Variants in DLGAP4 observed in about 807,000 individuals in gnomAD.
DLGAP4 encodes the protein disks large-associated protein 4.
DLGAP4 carries 18 observed loss-of-function variants against 86.9 expected under a neutral mutation model. The ratio of observed to expected loss-of-function variants is 0.21; its 90% CI spans 0.14 to 0.31. The LOEUF is 0.31. Ranked by LOEUF, DLGAP4 falls within the 10% of genes least tolerant of loss-of-function variation. The pLI is 1.00. For missense variants in DLGAP4, 1,085 were observed against 1,362.6 expected, an observed-to-expected ratio of 0.80 and a Z score of 3.21; for synonymous variants, 548 against 574.3, an observed-to-expected ratio of 0.95 and a Z score of 0.65.
At chr20:36,365,883 G>A (rs1428680866) in intron 1 of DLGAP4, among the ~76,000 whole-genome samples, 1 of 152,294 alleles carries the variant, frequency 6.6e-6, no homozygotes, top group Middle Eastern at 3.4e-3. Context: ...GACGTGGAAA[G>A]CCTGAGTTCA....
At chr20:36,434,958 G>A (rs773852500) in intron 3 of DLGAP4, among the ~76,000 whole-genome samples, 9 of 152,162 alleles carry the variant, frequency 5.9e-5, no homozygotes, top group Non-Finnish European at 1.2e-4. Context: ...TGGAGGCGGG[G>A]ACAGTGCAAG....
At chr20:36,428,618 T>C (rs2033044278) in intron 2 of DLGAP4, among the ~76,000 whole-genome samples, 1 of 152,182 alleles carries the variant, frequency 6.6e-6, no homozygotes, top group Non-Finnish European at 1.5e-5. Context: ...CACTGTCCCC[T>C]TTCTTTGCAC....
chr20:36,484,326 G>T (rs2024225539), intron 7 of DLGAP4, among the ~76,000 whole-genome samples: 1 of 152,292 alleles, frequency 6.6e-6, no homozygotes, highest in East Asian at 1.9e-4. Flanking sequence ...CTGGACTGTG[G>T]GTGTGCCTAG....
Position 36,459,585 on chromosome 20 carries a change from C to T in DLGAP4, c.1648+12648C>T, listed in dbSNP as rs956875866. Among the ~76,000 whole-genome samples, 10 of 152,152 alleles carry T rather than the reference C, an allele frequency of 6.6e-5. No homozygotes were observed. The East Asian group carries it at 1.9e-3, about 29-fold the overall frequency. ...TGGAGGCAGGGTCTCCCTATGTTGC[C>T]CAGGCTGGTCTTTTTTTAATTAATT... On this transcript the variant is annotated intron_variant, in intron 7 of 12. Coordinates refer to ENST00000339266, the MANE Select transcript of DLGAP4 (RefSeq NM_001365621.2).
intron 7 of DLGAP4, among the ~76,000 whole-genome samples, chr20:36,490,040 G>T (rs1390161832): frequency 6.6e-6 from 1 of 151,582 alleles, no homozygotes; most frequent in Non-Finnish European, 1.5e-5. Flanking sequence ...TGTATTTTTA[G>T]TAGAGATGGG....
chr20:36,435,063 T>C (rs1289878361), intron 3 of DLGAP4, among the ~76,000 whole-genome samples: 1 of 151,398 alleles, frequency 6.6e-6, no homozygotes. Flanking sequence ...GCTCTGTGTA[T>C]ATGCTGCATA....
intron 7 of DLGAP4, among the ~76,000 whole-genome samples, chr20:36,474,907 C>T (rs1402844037): frequency 6.6e-6 from 1 of 152,150 alleles, no homozygotes; most frequent in Non-Finnish European, 1.5e-5. Context: ...GCTTGGAGTC[C>T]CCACCCAAGC....
intron 1 of DLGAP4, among the ~76,000 whole-genome samples, chr20:36,355,211 G>T (rs918105452): frequency 6.6e-6 from 1 of 151,938 alleles, no homozygotes; most frequent in African/African-American, 2.4e-5. Flanking sequence ...GGAAGTAAAT[G>T]GAGACATATA....
intron 2 of DLGAP4, among the ~76,000 whole-genome samples, chr20:36,417,781 T>TG (rs1410478278): frequency 1.4e-4 from 21 of 150,250 alleles, no homozygotes; most frequent in Middle Eastern, 3.5e-3. Flanking sequence ...TGGTTTTTTT[T>TG]TTTTGTTGTT....
chr20:36,349,949 G>GC (rs1972315930), intron 1 of DLGAP4, among the ~76,000 whole-genome samples: 1 of 152,156 alleles, frequency 6.6e-6, no homozygotes, highest in African/African-American at 2.4e-5. Flanking sequence ...CCCAACCCCT[G>GC]CCCCGTGTTT....
chr20:36,388,029 CCCCTGAGTGAGTGTTATGAAGAAAAATA>C (rs1361481887), intron 2 of DLGAP4, among the ~76,000 whole-genome samples: 2 of 152,166 alleles, frequency 1.3e-5, no homozygotes, highest in African/African-American at 2.4e-5. Context: ...GTAGAACCCT[CCCCTGAGTGAGTGTTATGAAGAAAAATA>C]CCCTGAGCGA....
chr20:36,387,991 G>A (rs1192980383), intron 2 of DLGAP4, among the ~76,000 whole-genome samples: 2 of 152,144 alleles, frequency 1.3e-5, no homozygotes, highest in Non-Finnish European at 2.9e-5. Context: ...AAGTTCTTGA[G>A]CACCCGTCAT....
intron 7 of DLGAP4, among the ~76,000 whole-genome samples, chr20:36,459,325 A>C (rs1372016451): frequency 6.6e-6 from 1 of 152,200 alleles, no homozygotes; most frequent in Admixed American, 6.5e-5. Context: ...GTAAAATACA[A>C]ACACTGTTTG....
chr20:36,419,363 T>A (rs994194750), intron 2 of DLGAP4, among the ~76,000 whole-genome samples: 4 of 152,048 alleles, frequency 2.6e-5, no homozygotes, highest in Non-Finnish European at 4.4e-5. Flanking sequence ...ACTCCTGGCC[T>A]CAAGTGATCT....
intron 2 of DLGAP4, among the ~76,000 whole-genome samples, chr20:36,427,599 T>C (rs1209670548): frequency 6.6e-6 from 1 of 152,114 alleles, no homozygotes; most frequent in African/African-American, 2.4e-5. Flanking sequence ...TTGTACACTT[T>C]AAAATGACTA....
intron 2 of DLGAP4, among the ~76,000 whole-genome samples, chr20:36,371,612 C>T (rs753940871): frequency 7.9e-5 from 12 of 152,212 alleles, no homozygotes; most frequent in Non-Finnish European, 1.5e-4. Flanking sequence ...CTGGGGACAA[C>T]CCATTTGTCC....
At position 36,396,738 on chromosome 20, in the gene DLGAP4, G is replaced by A. The variant is rs541842460; in HGVS notation, c.-73+29463G>A. Among the ~76,000 whole-genome samples the A allele has an allele frequency of 4.0e-5, 6 of 149,686 alleles. No individual in the cohort carries two copies. In the South Asian group the frequency reaches 1.3e-3, roughly 32 times the overall value. The stretch of plus-strand genomic sequence containing the variant: ...TCTGGGGTGATTCCAGGGGCCTATT[G>A]AAGACTTCTCACCCTGAAGGCAGCC... On this transcript the variant is annotated intron_variant, in intron 2 of 12. Transcript: ENST00000339266.
At chr20:36,514,138 A>G (rs2036896793) in intron 10 of DLGAP4, among the ~76,000 whole-genome samples, 1 of 138,654 alleles carries the variant, frequency 7.2e-6, no homozygotes, top group African/African-American at 3.1e-5. Context: ...AGCAATTGGA[A>G]GCCACCTGAA....
In DLGAP4 at chr20:36,455,716, C is replaced by T. The variant is rs1464819712; in HGVS notation, c.1648+8779C>T. Among the ~76,000 whole-genome samples, 5 of 152,142 alleles carry T rather than the reference C, an allele frequency of 3.3e-5. No individual in the cohort carries two copies. The East Asian group carries it at 9.6e-4, about 29-fold the overall frequency. On this transcript the variant is annotated intron_variant, in intron 7 of 12. Transcript: ENST00000339266. ...CCAGTCATCAGCTGCTATGCCTGCCCCTCTTTGTCCCATCTTCCATCCCCC... is the reference window on the plus strand; with the variant it reads ...CCAGTCATCAGCTGCTATGCCTGCCTCTCTTTGTCCCATCTTCCATCCCCC...
Sources: gnomAD v4.1 joint callset for allele counts (sites outside exome capture counted in the v4.1 genomes callset) on GRCh38, gnomAD v4.1.1 for gene constraint, MANE v1.5 for transcripts, NCBI Gene and HGNC (gene_info 2026-07-23, HGNC 2026-07-21) for gene names.